Variants in RERE observed in about 807,000 individuals in gnomAD.
RERE encodes arginine-glutamic acid dipeptide repeats protein.
In RERE, 40 loss-of-function variants were observed where a neutral mutation model predicts 146.1. The ratio of observed to expected loss-of-function variants is 0.27; its 90% CI spans 0.21 to 0.36. RERE has a LOEUF of 0.36. Ranked by LOEUF, RERE falls within the 10% of genes least tolerant of loss-of-function variation. The pLI is 1.00. For synonymous variants in RERE, 1,003 were observed against 866.0 expected (o/e 1.16, Z -2.78); for missense variants, 1,933 against 2,138.7 (o/e 0.90, Z 1.90).
At chr1:8,476,365 G>A (rs1265295968) in intron 10 of RERE, among the ~76,000 whole-genome samples, 1 of 152,174 alleles carries the variant, frequency 6.6e-6, no homozygotes, top group Non-Finnish European at 1.5e-5. Context: ...GGCAGTTTAG[G>A]ACAGGCAATC....
rs1553145840 is a variant in RERE at position 8,757,919 on chromosome 1, C to CACACACACAT, written c.-145+59240_-145+59241insATGTGTGTGT. Among the ~76,000 whole-genome samples, 170 of 150,650 alleles carry CACACACACAT rather than the reference C, an allele frequency of 1.1e-3. 1 individual carries two copies. The highest frequency in any genetic ancestry group is 3.4e-3 in the Middle Eastern group (1 of 290). On this transcript the variant is annotated intron_variant, in intron 1 of 22. Transcript: ENST00000400908. ...ACACACACACACATACATACACACA[C>CACACACACAT]ACACACACACATATATATGCAATAG...
At chr1:8,760,262 G>C (rs1451504963) in intron 1 of RERE, among the ~76,000 whole-genome samples, 1 of 152,190 alleles carries the variant, frequency 6.6e-6, no homozygotes, top group Non-Finnish European at 1.5e-5. Context: ...CCTGACCTCA[G>C]GTGATCCGCC....
At chr1:8,496,897 T>C (rs986224471) in intron 9 of RERE, among the ~76,000 whole-genome samples, 1 of 152,224 alleles carries the variant, frequency 6.6e-6, no homozygotes, top group African/African-American at 2.4e-5. Flanking sequence ...AATTTTACTT[T>C]AAGGTCCAGG....
intron 2 of RERE, among the ~76,000 whole-genome samples, chr1:8,633,725 G>A (rs548120236): frequency 6.6e-6 from 1 of 152,062 alleles, no homozygotes; most frequent in African/African-American, 2.4e-5. Flanking sequence ...CCAGGAGTTC[G>A]AGACCAACCT....
intron 1 of RERE, among the ~76,000 whole-genome samples, chr1:8,664,941 G>A (rs150341588): frequency 3.3e-5 from 5 of 152,180 alleles, no homozygotes; most frequent in South Asian, 2.1e-4. Flanking sequence ...TTTACAATAC[G>A]TCAGTGACTC....
intron 1 of RERE, among the ~76,000 whole-genome samples, chr1:8,757,008 T>G (rs551969175): frequency 6.7e-6 from 1 of 149,538 alleles, no homozygotes; most frequent in African/African-American, 2.5e-5. Flanking sequence ...GAGAATCACT[T>G]GAACCCAGGA....
At chr1:8,464,672 G>A (rs1332065935) in intron 11 of RERE, among the ~76,000 whole-genome samples, 3 of 152,108 alleles carry the variant, frequency 2.0e-5, no homozygotes, top group African/African-American at 7.2e-5. Flanking sequence ...TTTCACCTTA[G>A]GGCCCAGAAT....
chr1:8,443,615 A>G (rs1327748591), intron 11 of RERE, among the ~76,000 whole-genome samples: 5 of 152,206 alleles, frequency 3.3e-5, no homozygotes, highest in African/African-American at 1.2e-4. Flanking sequence ...GGAATTTCAA[A>G]GACCTTCCCA....
At chr1:8,621,626 T>C (rs1194609777) in intron 3 of RERE, among the ~76,000 whole-genome samples, 1 of 152,230 alleles carries the variant, frequency 6.6e-6, no homozygotes, top group African/African-American at 2.4e-5. Context: ...CAACTTTTTA[T>C]TTTATGATTA....
intron 1 of RERE, among the ~76,000 whole-genome samples, chr1:8,755,194 G>A (rs1640611331): frequency 6.6e-6 from 1 of 152,210 alleles, no homozygotes; most frequent in Non-Finnish European, 1.5e-5. Context: ...GCTACCTTTG[G>A]CAGCAGTACA....
chr1:8,734,869 T>C (rs527318592), intron 1 of RERE, among the ~76,000 whole-genome samples: 1 of 152,296 alleles, frequency 6.6e-6, no homozygotes, highest in Admixed American at 6.5e-5. Context: ...CCTTCACTTC[T>C]CTCTCAATTA....
chr1:8,362,739 C>A lies in RERE; in HGVS notation c.1846G>T (p.Ala616Ser). 1 of 1,614,226 alleles carries A rather than the reference C, an allele frequency of 6.2e-7. No homozygotes were observed. The highest frequency in any genetic ancestry group is 8.5e-7 in the Non-Finnish European group (1 of 1,180,046). Residue 616 changes from alanine to serine, a missense_variant, in exon 16 of 23, where the codon GCT becomes TCT. By Grantham distance (99) the Ala-to-Ser change is moderately conservative. This residue lies in a region of RERE where 1,255 missense variants were observed against 1,153.8 expected (regional missense o/e 1.09). Transcript: ENST00000400908. ...CTGTCATTGCTGGAGGTACTGGCAG[C>A]GCTGGGGGAGTTCCGGCCGCTGGAG... Reference protein sequence around the residue: ...IRSSGRNSPSAASTSSNDSKA... With the variant: ...IRSSGRNSPSSASTSSNDSKA...
chr1:8,532,785 G>A (rs1168669603), intron 7 of RERE, among the ~76,000 whole-genome samples: 10 of 152,054 alleles, frequency 6.6e-5, no homozygotes, highest in African/African-American at 1.9e-4. Context: ...TAGTAGAGAC[G>A]GGGTTTCCCA....
intron 1 of RERE, among the ~76,000 whole-genome samples, chr1:8,805,000 TGTTTTTGG>T (rs1641658145): frequency 7.4e-6 from 1 of 135,836 alleles, no homozygotes; most frequent in East Asian, 2.4e-4. Context: ...TGTTTTGTTT[TGTTTTTGG>T]TTTTTTTTTT....
At chr1:8,579,559 G>GTGGA (rs1203533439) in intron 4 of RERE, among the ~76,000 whole-genome samples, 1 of 152,236 alleles carries the variant, frequency 6.6e-6, no homozygotes, top group African/African-American at 2.4e-5. Context: ...AGAAAAGATA[G>GTGGA]TGGAACCAGG....
intron 6 of RERE, among the ~76,000 whole-genome samples, chr1:8,553,611 A>C (rs1046643169): frequency 6.6e-6 from 1 of 152,210 alleles, no homozygotes; most frequent in African/African-American, 2.4e-5. Flanking sequence ...TCAAGGTAAA[A>C]GTTTTATAAA....
intron 9 of RERE, among the ~76,000 whole-genome samples, chr1:8,497,124 G>GT (rs1282555322): frequency 6.6e-6 from 1 of 152,152 alleles, no homozygotes; most frequent in East Asian, 1.9e-4. Context: ...TTTGGTAACT[G>GT]TATGTATGGC....
At chr1:8,597,090 A>ATTTTT (rs34498274) in intron 4 of RERE, among the ~76,000 whole-genome samples, 1 of 144,326 alleles carries the variant, frequency 6.9e-6, no homozygotes, top group East Asian at 2.0e-4. Context: ...ACTGATGCTG[A>ATTTTT]TTTTTTTTTT....
chr1:8,358,233 G>A lies in RERE; in HGVS notation c.4302C>T (p.Ser1434=), dbSNP rs761287277. The part of the protein sequence containing the change: ...PHHHQHSHIH[S]HLHLHQQDPL... ...GGTCCTGCTGGTGGAGGTGGAGGTGGGAGTGAATGTGAGAGTGCTGGTGAT... is the reference window on the plus strand; with the variant it reads ...GGTCCTGCTGGTGGAGGTGGAGGTGAGAGTGAATGTGAGAGTGCTGGTGAT... The change falls in exon 20 of 23, where the codon TCC becomes TCT. Residue 1434 remains serine (S), a synonymous_variant. Transcript: ENST00000400908. 3.7e-6 allele frequency: 6 copies of A among 1,604,620 alleles called. No homozygotes were observed. Among genetic ancestry groups the A allele is most frequent in the South Asian group, 1.1e-5 (1 of 90,820 alleles).
Sources: gnomAD v4.1 joint callset for allele counts (sites outside exome capture counted in the v4.1 genomes callset) on GRCh38, gnomAD v4.1.1 for gene constraint, gnomAD v4.1.1 regional missense constraint, MANE v1.5 for transcripts, NCBI Gene and HGNC (gene_info 2026-07-23, HGNC 2026-07-21) for gene names.